The following YTHDC2 variants were observed in gnomAD, a reference collection of about 807,000 sequenced individuals.
YTHDC2 encodes the protein 3'-5' RNA helicase YTHDC2.
Under a neutral mutation model 174.9 loss-of-function variants are expected in YTHDC2, and 45 were observed. That is an observed-to-expected ratio of 0.26 (90% confidence interval 0.20 to 0.33). YTHDC2 has a LOEUF of 0.33. YTHDC2 is among the 10% of genes least tolerant of loss of function. The pLI is 1.00. For missense variants in YTHDC2, 1,650 were observed against 1,723.7 expected, an observed-to-expected ratio of 0.96 and a Z score of 0.76; for synonymous variants, 657 against 574.5, an observed-to-expected ratio of 1.14 and a Z score of -2.05.
rs564890780 is a variant in YTHDC2, at chr5:113,513,743, G to A, written c.-153G>A. 46 of 763,674 alleles carry A rather than the reference G, an allele frequency of 6.0e-5. No homozygotes were observed. In the East Asian group the frequency reaches 1.3e-3, roughly 21 times the overall value. 47.3% of individuals were successfully genotyped at this position (763,674 alleles called of 1,614,324 possible). ...ATGGCGCAGGCTTCACTTCTGCTGT[G>A]GCGGTGACTGAGGCCTTTCTGGTGA... On this transcript the variant is annotated 5_prime_UTR_variant, in exon 1 of 30. The change creates a premature stop within an existing upstream ORF in the 5' untranslated region. Transcript: ENST00000161863.
In YTHDC2 at chr5:113,594,610, C is replaced by G. The variant is rs1381742380; in HGVS notation, c.*1136C>G. ...TCTCAGAATTATCTTTTTACCACCACTGTTTATAAAATTTCCTTAGAGACT... is the reference window on the plus strand; with the variant it reads ...TCTCAGAATTATCTTTTTACCACCAGTGTTTATAAAATTTCCTTAGAGACT... On this transcript the variant is annotated 3_prime_UTR_variant, in exon 30 of 30. Transcript: ENST00000161863. The G allele has an allele frequency of 6.6e-6, 1 of 152,072 alleles. No individual in the cohort carries two copies. The highest frequency in any genetic ancestry group is 1.5e-5 in the Non-Finnish European group (1 of 68,016). 9.4% of individuals were successfully genotyped at this position (152,072 alleles called of 1,614,324 possible). A position where few individuals can be genotyped will look rare whatever the true frequency, so the allele number is the denominator to read the frequency against.
chr5:113,540,538 A>C (rs10035218), intron 8 of YTHDC2, among the ~76,000 whole-genome samples: 5,231 of 152,258 alleles, frequency 0.034, 329 homozygotes, highest in African/African-American at 0.12. Context: ...GCAAAGGGGA[A>C]GCAAGGACCT....
At chr5:113,579,935 G>A (rs1318879421) in intron 24 of YTHDC2, 1 of 984,142 alleles carries the variant, frequency 1.0e-6, no homozygotes, top group Non-Finnish European at 1.2e-6. Flanking sequence ...TTAGTTTGTT[G>A]TTGCTGCTAT....
intron 5 of YTHDC2, 54 bp from the exon 6 acceptor site, chr5:113,534,251 T>C: frequency 7.6e-7 from 1 of 1,312,140 alleles, no homozygotes; most frequent in Non-Finnish European, 1.1e-6. Context: ...GATTATATTT[T>C]AGTTACATGA....
rs1778556303 is a variant in YTHDC2 at position 113,584,323 on chromosome 5, T to G, written c.3669T>G (p.Ser1223=). 1 of 1,612,452 alleles carries G rather than the reference T, an allele frequency of 6.2e-7. No homozygotes were observed. The highest frequency in any genetic ancestry group is 8.5e-7 in the Non-Finnish European group (1 of 1,179,294). ...CAAGAGTACTGATGAAATCTCCATC[T>G]CCAGCATTACACCCACCTCAGAAGT... The part of the protein sequence containing the change: ...TAERVLMKSP[S]PALHPPQKYK... Residue 1223 remains serine (S), a synonymous_variant, in exon 26 of 30, where the codon TCT becomes TCG. Transcript: ENST00000161863.
At chr5:113,591,278 TCTGG>T in intron 27 of YTHDC2, 34 bp downstream of exon 27, 1 of 1,608,242 alleles carries the variant, frequency 6.2e-7, no homozygotes, top group South Asian at 1.1e-5. Flanking sequence ...ATGGGGTTGT[TCTGG>T]CTATAGGTTA....
chr5:113,561,960 GTGTGT>G lies in YTHDC2; in HGVS notation c.2322+776_2322+780del, dbSNP rs1561675950. Among the ~76,000 whole-genome samples the G allele has an allele frequency of 9.2e-3, 683 of 74,050 alleles. 7 individuals are homozygous for G. Among genetic ancestry groups the G allele is most frequent in the African/African-American group, 0.032 (668 of 20,626 alleles). The allele number at this position is 74,050 out of a possible 152,430, so 48.6% of individuals were successfully genotyped here. A position where few individuals can be genotyped will look rare whatever the true frequency, so the allele number is the denominator to read the frequency against. On this transcript the variant is annotated intron_variant, in intron 18 of 29. Transcript: ENST00000161863. ...TTTCTGACCTCTATTAATTGTGGGT[GTGTGT>G]GTGTGTGTGTGTGTGTGTGTGTGTG...
chr5:113,544,766 C>T (rs1224381467), intron 10 of YTHDC2, among the ~76,000 whole-genome samples: 2 of 151,812 alleles, frequency 1.3e-5, no homozygotes, highest in Non-Finnish European at 2.9e-5. Flanking sequence ...CTGGTCCCCT[C>T]CTTCCCTGGT....
Position 113,591,415 on chromosome 5 carries a change from C to T in YTHDC2, c.4029+171C>T, listed in dbSNP as rs372619876. 7.2e-5 allele frequency among the ~76,000 whole-genome samples: 11 copies of T among 152,212 alleles called. No individual in the cohort carries two copies. The South Asian group carries it at 1.9e-3, about 26-fold the overall frequency. ...TTTAGAGGATGATAGAACTGGAATC[C>T]TCTTTGTTTTTGCCTTGTCTTACCA... is the stretch of plus-strand genomic sequence containing the variant. On this transcript the variant is annotated intron_variant, in intron 27 of 29. Coordinates refer to ENST00000161863, the MANE Select transcript of YTHDC2 (RefSeq NM_022828.5).
intron 17 of YTHDC2, among the ~76,000 whole-genome samples, chr5:113,559,937 CATTTTGCTT>C (rs769583321): frequency 6.6e-6 from 1 of 152,180 alleles, no homozygotes; most frequent in Non-Finnish European, 1.5e-5. Flanking sequence ...ATGCGTAAGG[CATTTTGCTT>C]ATCGAGTTTC....
chr5:113,590,950 G>A (rs1365039419), intron 26 of YTHDC2, 91 bp from the exon 27 acceptor site: 1 of 1,021,592 alleles, frequency 9.8e-7, no homozygotes, highest in African/African-American at 1.7e-5. Flanking sequence ...AAAATATTTT[G>A]GCTTATATGT....
At chr5:113,589,411 ATATATAT>A (rs1561714037) in intron 26 of YTHDC2, among the ~76,000 whole-genome samples, 15 of 65,258 alleles carry the variant, frequency 2.3e-4, no homozygotes, top group African/African-American at 5.1e-4. Context: ...AAAAAAAAAT[ATATATAT>A]ATATATATAT....
Position 113,581,249 on chromosome 5 carries a change from ATAAAT to A in YTHDC2, c.3355-166_3355-162del, listed in dbSNP as rs1580640172. 4 of 566,084 alleles carry A rather than the reference ATAAAT, an allele frequency of 7.1e-6. No homozygotes were observed. The East Asian group carries it at 1.3e-4, about 19-fold the overall frequency. 35.1% of individuals were successfully genotyped at this position (566,084 alleles called of 1,614,324 possible). On this transcript the variant is annotated intron_variant, in intron 24 of 29. Transcript: ENST00000161863. ...TGTCTTAGTGCCTAAAATATTATAA[ATAAAT>A]TTTATTTCATTCATGCATTAAAAAT...
At chr5:113,561,009 C>G (rs1393011512) in intron 17 of YTHDC2, 71 bp from the exon 18 acceptor site, 3 of 1,263,920 alleles carry the variant, frequency 2.4e-6, no homozygotes, top group African/African-American at 3.0e-5. Flanking sequence ...TTTCCTAAAT[C>G]ACATTGCGTT....
chr5:113,536,367 T>C (rs1407441420), intron 7 of YTHDC2, among the ~76,000 whole-genome samples: 1 of 151,966 alleles, frequency 6.6e-6, no homozygotes, highest in African/African-American at 2.4e-5. Context: ...CTACTAAAAA[T>C]ACAAAAAATT....
intron 24 of YTHDC2, 38 bp downstream of exon 24, chr5:113,579,733 TTCAG>T: frequency 1.3e-6 from 2 of 1,556,434 alleles, no homozygotes; most frequent in Non-Finnish European, 1.7e-6. Context: ...ATTTCTTTCA[TTCAG>T]TTAGTGTGAA....
chr5:113,548,536 T>G lies in YTHDC2; in HGVS notation c.1496-5T>G. ...TAAGTTTTATTTATCTTTTCCTTTT[T>G]TTAGTTGATTACAGACATAGTGAAA... On this transcript the variant is annotated splice_region_variant and splice_polypyrimidine_tract_variant and intron_variant, in intron 10 of 29. Coordinates refer to ENST00000161863, the MANE Select transcript of YTHDC2 (RefSeq NM_022828.5). 7 of 1,576,168 alleles carry G rather than the reference T, an allele frequency of 4.4e-6. No individual in the cohort carries two copies. Among genetic ancestry groups the G allele is most frequent in the Non-Finnish European group, 6.0e-6 (7 of 1,167,994 alleles).
At chr5:113,526,828 T>A (rs754273366) in intron 4 of YTHDC2, 43 bp downstream of exon 4, 5,618 of 119,822 alleles carry the variant, frequency 0.047, 95 homozygotes, top group Admixed American at 0.075. Flanking sequence ...AAAAAAAAAA[T>A]ATATATATAT....
intron 12 of YTHDC2, among the ~76,000 whole-genome samples, chr5:113,549,529 A>C (rs1205589531): frequency 6.6e-6 from 1 of 152,182 alleles, no homozygotes; most frequent in Non-Finnish European, 1.5e-5. Flanking sequence ...AAAAAGAGTT[A>C]GTTATCAAAG....
Sources: allele counts gnomAD v4.1 joint callset (sites outside exome capture counted in the v4.1 genomes callset), GRCh38; gene constraint gnomAD v4.1.1; transcripts MANE v1.5; gene names NCBI Gene and HGNC (gene_info 2026-07-23, HGNC 2026-07-21).